DNAH17: variants seen among roughly 807,000 people sequenced by gnomAD.
DNAH17 encodes the protein axonemal beta dynein heavy chain 17.
DNAH17 carries 376 observed loss-of-function variants against 485.6 expected under a neutral mutation model. The observed-to-expected ratio is 0.77, with a 90% CI of 0.71 to 0.84. The LOEUF is 0.84. Ranked by LOEUF, DNAH17 falls within the 40% of genes least tolerant of loss-of-function variation. The probability of loss-of-function intolerance (pLI) is 0.00; values close to 1 mark genes in which losing one functional copy is unlikely to be tolerated. For missense variants in DNAH17, 6,370 were observed against 5,839.3 expected, an observed-to-expected ratio of 1.09 and a Z score of -2.96; for synonymous variants, 3,031 against 2,405.9, an observed-to-expected ratio of 1.26 and a Z score of -7.60.
chr17:78,477,898 CCAT>C lies in DNAH17; in HGVS notation c.7992+1124_7992+1126del, dbSNP rs552804895. On this transcript the variant is annotated intron_variant, in intron 51 of 80. Coordinates refer to ENST00000389840, the MANE Select transcript of DNAH17 (RefSeq NM_173628.4). Reference sequence around the variant, plus strand: ...ACCACCACCATCGCTATCATCACCACCATCATCATTACCACATCACCATCACCA... The same window carrying C: ...ACCACCACCATCGCTATCATCACCACCATCATTACCACATCACCATCACCA... 2.2e-4 allele frequency among the ~76,000 whole-genome samples: 34 copies of C among 151,838 alleles called. No individual in the cohort carries two copies. In the Middle Eastern group the frequency reaches 0.01, roughly 46 times the overall value.
At chr17:78,450,513 C>CAGCT in intron 67 of DNAH17, 119 bp from the exon 68 acceptor site, 1 of 1,459,406 alleles carries the variant, frequency 6.9e-7, no homozygotes, top group Middle Eastern at 2.1e-4. Flanking sequence ...CTCTCAGCAG[C>CAGCT]AGCTGGGTGC....
intron 16 of DNAH17, among the ~76,000 whole-genome samples, chr17:78,548,694 C>CA (rs1189946018): frequency 5.0e-4 from 76 of 152,366 alleles, no homozygotes; most frequent in African/African-American, 1.7e-3. Context: ...TGAGAATGTA[C>CA]AAACTCCAAA....
chr17:78,531,710 C>G (rs1434083148), intron 20 of DNAH17, among the ~76,000 whole-genome samples: 1 of 152,172 alleles, frequency 6.6e-6, no homozygotes, highest in Non-Finnish European at 1.5e-5. Context: ...TGTGTGGAAT[C>G]TCTTTTTCTA....
intron 71 of DNAH17, among the ~76,000 whole-genome samples, chr17:78,441,509 G>A (rs182274541): frequency 1.5e-4 from 23 of 152,264 alleles, no homozygotes; most frequent in Middle Eastern, 3.4e-3. Context: ...GGGTGGGGGC[G>A]CTGAGAAGGA....
chr17:78,426,967 C>T lies in DNAH17; in HGVS notation c.12730G>A (p.Glu4244Lys), dbSNP rs967666308. 1.3e-5 allele frequency: 21 copies of T among 1,610,504 alleles called. No individual in the cohort carries two copies. Among genetic ancestry groups the T allele is most frequent in the East Asian group, 6.7e-5 (3 of 44,806 alleles). ...ECERMNILTNEMRRSLKELNL... is the reference protein window; with the variant it reads ...ECERMNILTNKMRRSLKELNL... ...AGCTCCTTGAGCGAACGGCGCATTT[C>T]GTTGGTCAGGATGTTCATTCTTTCA... is the stretch of plus-strand genomic sequence containing the variant. Residue 4244 changes from glutamate to lysine, a missense_variant, in exon 78 of 81, where the codon GAA becomes AAA. Glu to Lys is a moderately conservative substitution (Grantham distance 56). Transcript: ENST00000389840.
intron 62 of DNAH17, among the ~76,000 whole-genome samples, chr17:78,456,358 A>AACAC (rs2087800632): frequency 6.6e-6 from 1 of 152,176 alleles, no homozygotes; most frequent in Non-Finnish European, 1.5e-5. Context: ...GCCCTTAGGA[A>AACAC]TGCTGTGTTT....
chr17:78,438,445 G>GGAGGAGGAGGGA (rs1473139795), intron 73 of DNAH17, among the ~76,000 whole-genome samples: 1 of 7,590 alleles, frequency 1.3e-4, no homozygotes, highest in African/African-American at 4.8e-4. Flanking sequence ...AGGAGGAGGA[G>GGAGGAGGAGGGA]GGAGGAGGGA....
At chr17:78,502,080 G>A in intron 33 of DNAH17, 2 of 625,468 alleles carry the variant, frequency 3.2e-6, no homozygotes, top group Non-Finnish European at 2.7e-6. Flanking sequence ...TGGCTAGCAT[G>A]GACGTAGTAG....
Position 78,501,339 on chromosome 17 carries a change from C to T in DNAH17, c.5328G>A (p.Glu1776=). The T allele has an allele frequency of 6.3e-7, 1 of 1,590,338 alleles. No individual in the cohort carries two copies. Among genetic ancestry groups the T allele is most frequent in the African/African-American group, 1.3e-5 (1 of 74,716 alleles). Residue 1776 remains glutamate, a synonymous_variant, in exon 35 of 81, where the codon GAG becomes GAA. Transcript: ENST00000389840. The part of the protein sequence containing the change: ...VVAKMIVAKV[E]SSQAFTWQAQ... ...CCTGCCAGGTGAAGGCCTGAGAACT[C>T]TCCACCTGCAGGATGAGCCGGAGCT...
At chr17:78,548,372 T>G (rs1049520624) in intron 16 of DNAH17, among the ~76,000 whole-genome samples, 1 of 151,920 alleles carries the variant, frequency 6.6e-6, no homozygotes, top group African/African-American at 2.4e-5. Flanking sequence ...ACCTGGCTAA[T>G]TTTTTGTATT....
intron 24 of DNAH17, among the ~76,000 whole-genome samples, chr17:78,526,258 G>A (rs1205132285): frequency 6.6e-6 from 1 of 152,232 alleles, no homozygotes; most frequent in African/African-American, 2.4e-5. Flanking sequence ...CAGGAGGCAG[G>A]GAGAGATGGC....
At chr17:78,474,233 T>TC (rs1334426625) in intron 54 of DNAH17, among the ~76,000 whole-genome samples, 6 of 152,104 alleles carry the variant, frequency 3.9e-5, no homozygotes, top group African/African-American at 1.4e-4. Flanking sequence ...CCCCTTAGGT[T>TC]CCCCCTTGGG....
chr17:78,525,949 T>C (rs945192102), intron 24 of DNAH17, among the ~76,000 whole-genome samples: 1 of 152,132 alleles, frequency 6.6e-6, no homozygotes, highest in Admixed American at 6.5e-5. Context: ...GGGTTCACAT[T>C]TGCTAGAGCC....
Position 78,445,594 on chromosome 17 carries a change from C to T in DNAH17, c.11298G>A (p.Val3766=), listed in dbSNP as rs752618826. 6.4e-7 allele frequency: 1 copy of T among 1,563,990 alleles called. No individual in the cohort carries two copies. The highest frequency in any genetic ancestry group is 1.4e-5 in the African/African-American group (1 of 73,712). ...CCCAGCCTTGATGCTGGAGGAAGTC[C>T]ACTGGTGAGACCACTCCGGCCTTAA... The part of the protein sequence containing the change: ...FPFKAGVVSP[V]DFLQHQGWGG... The change falls in exon 70 of 81, where the codon GTG becomes GTA. Residue 3766 remains valine, a synonymous_variant. Coordinates refer to ENST00000389840, the MANE Select transcript of DNAH17 (RefSeq NM_173628.4).
intron 31 of DNAH17, among the ~76,000 whole-genome samples, chr17:78,504,179 C>T (rs2090405277): frequency 6.6e-6 from 1 of 151,872 alleles, no homozygotes; most frequent in African/African-American, 2.4e-5. Flanking sequence ...GACTCTCATG[C>T]CTCAACCTCC....
At chr17:78,472,730 C>A (rs1385329368) in intron 54 of DNAH17, 5 of 454,734 alleles carry the variant, frequency 1.1e-5, no homozygotes, top group East Asian at 7.0e-5. Context: ...GCAGGCACAG[C>A]CCTCGCTGGC....
chr17:78,505,436 G>A lies in DNAH17; in HGVS notation c.4813C>T (p.His1605Tyr), dbSNP rs1241741275. 1.2e-6 allele frequency: 2 copies of A among 1,613,898 alleles called. No individual in the cohort carries two copies. Among genetic ancestry groups the A allele is most frequent in the African/African-American group, 1.3e-5 (1 of 74,928 alleles). The change falls in exon 31 of 81, where the codon CAC becomes TAC. Residue 1605 changes from histidine to tyrosine, a missense_variant. Physicochemically the swap from His to Tyr is moderately conservative, Grantham distance 83 (BLOSUM62 2). Coordinates refer to ENST00000389840, the MANE Select transcript of DNAH17 (RefSeq NM_173628.4). ...AGGCTATCGAAGAGTTTGGACAGGTGGCGGCTCACCTGGGAGGAGGCAAGA... is the reference window on the plus strand; with the variant it reads ...AGGCTATCGAAGAGTTTGGACAGGTAGCGGCTCACCTGGGAGGAGGCAAGA... ...NGNDPVEVSR[H>Y]LSKLFDSLCK...
chr17:78,465,317 A>G (rs1444811480), intron 56 of DNAH17, among the ~76,000 whole-genome samples: 1 of 151,688 alleles, frequency 6.6e-6, no homozygotes, highest in African/African-American at 2.4e-5. Context: ...TGGCCTCCCA[A>G]GGTGCCGAGA....
intron 41 of DNAH17, 91 bp from the exon 42 acceptor site, chr17:78,492,856 T>G (rs1182758757): frequency 2.5e-6 from 2 of 813,618 alleles, no homozygotes; most frequent in Non-Finnish European, 3.2e-6. Context: ...GCCTGGATGG[T>G]TTTTTTTTTT....
Sources: gnomAD v4.1 joint callset for allele counts (sites outside exome capture counted in the v4.1 genomes callset) on GRCh38, gnomAD v4.1.1 for gene constraint, MANE v1.5 for transcripts, NCBI Gene and HGNC (gene_info 2026-07-23, HGNC 2026-07-21) for gene names.